The following KCNB2 variants were observed in gnomAD, a reference collection of about 807,000 sequenced individuals.
The protein encoded by KCNB2 is potassium voltage-gated channel subfamily B member 2, also known as delayed rectifier potassium channel protein.
A neutral mutation model predicts 61.5 loss-of-function variants in KCNB2; 15 were observed. The ratio of observed to expected loss-of-function variants is 0.24; its 90% confidence interval spans 0.16 to 0.38. The LOEUF is 0.38. Ranked by LOEUF, KCNB2 falls within the 10% of genes least tolerant of loss-of-function variation. KCNB2 has a pLI of 1.00. For missense variants in KCNB2, 828 were observed against 1,125.2 expected, an observed-to-expected ratio of 0.74 and a Z score of 3.78; for synonymous variants, 457 against 446.0, an observed-to-expected ratio of 1.02 and a Z score of -0.31.
At chr8:72,900,654 A>G (rs940855634) in intron 2 of KCNB2, among the ~76,000 whole-genome samples, 3 of 152,172 alleles carry the variant, frequency 2.0e-5, no homozygotes, top group African/African-American at 7.2e-5. Context: ...TCAATAAGCA[A>G]AAAACAAATA....
At chr8:72,911,087 G>C (rs1352108209) in intron 2 of KCNB2, among the ~76,000 whole-genome samples, 1 of 152,168 alleles carries the variant, frequency 6.6e-6, no homozygotes, top group Non-Finnish European at 1.5e-5. Context: ...TATAGCATCA[G>C]TAGCAATTTT....
chr8:72,857,428 G>A (rs985566986), intron 2 of KCNB2, among the ~76,000 whole-genome samples: 1 of 152,186 alleles, frequency 6.6e-6, no homozygotes, highest in African/African-American at 2.4e-5. Flanking sequence ...TTCTAGGAGT[G>A]AGAAGAAGCT....
chr8:72,748,899 A>G (rs973223293), intron 2 of KCNB2, among the ~76,000 whole-genome samples: 10 of 152,156 alleles, frequency 6.6e-5, no homozygotes, highest in African/African-American at 1.4e-4. Context: ...TTTGAAACAC[A>G]ATACATTGCT....
intron 2 of KCNB2, among the ~76,000 whole-genome samples, chr8:72,746,972 T>G (rs182667742): frequency 1.2e-3 from 178 of 152,316 alleles, no homozygotes; most frequent in African/African-American, 3.8e-3. Flanking sequence ...AAATCTGATG[T>G]CATCTTAATG....
chr8:72,750,934 T>C (rs1252230560), intron 2 of KCNB2: 3 of 152,104 alleles, frequency 2.0e-5, no homozygotes, highest in Non-Finnish European at 1.5e-5. Flanking sequence ...AGATATGATA[T>C]CGCATTTCTG....
intron 2 of KCNB2, among the ~76,000 whole-genome samples, chr8:72,853,356 T>A (rs1327693512): frequency 6.6e-6 from 1 of 152,202 alleles, no homozygotes; most frequent in African/African-American, 2.4e-5. Flanking sequence ...TGGTTCAGCA[T>A]GCTCCAAAGC....
At chr8:72,835,359 G>T (rs540877456) in intron 2 of KCNB2, among the ~76,000 whole-genome samples, 1 of 152,164 alleles carries the variant, frequency 6.6e-6, no homozygotes, top group South Asian at 2.1e-4. Context: ...GAAAGAGAAA[G>T]CAATAGACAA....
chr8:72,785,178 A>G (rs1463814907), intron 2 of KCNB2, among the ~76,000 whole-genome samples: 1 of 152,238 alleles, frequency 6.6e-6, no homozygotes, highest in Admixed American at 6.5e-5. Context: ...CAAATAATCC[A>G]CAAACCCCAT....
chr8:72,640,852 C>A (rs1563546437), intron 2 of KCNB2, among the ~76,000 whole-genome samples: 2 of 151,994 alleles, frequency 1.3e-5, no homozygotes, highest in Non-Finnish European at 2.9e-5. Flanking sequence ...TCAATTAATT[C>A]AATTTTATAG....
intron 2 of KCNB2, among the ~76,000 whole-genome samples, chr8:72,691,823 C>G (rs1197110801): frequency 6.6e-6 from 1 of 152,204 alleles, no homozygotes; most frequent in African/African-American, 2.4e-5. Context: ...CACTAACTTT[C>G]TATTCCAGTG....
chr8:72,595,862 A>G (rs565481632), intron 2 of KCNB2, among the ~76,000 whole-genome samples: 2 of 152,306 alleles, frequency 1.3e-5, no homozygotes, highest in South Asian at 4.1e-4. Flanking sequence ...AGTGGCACAT[A>G]ATCATGCTTG....
At chr8:72,717,161 G>A (rs1380346123) in intron 2 of KCNB2, among the ~76,000 whole-genome samples, 4 of 152,172 alleles carry the variant, frequency 2.6e-5, no homozygotes, top group African/African-American at 9.7e-5. Flanking sequence ...TGAAACAAAA[G>A]AGGCTACAAA....
intron 2 of KCNB2, among the ~76,000 whole-genome samples, chr8:72,650,322 C>T (rs1049227568): frequency 9.9e-5 from 15 of 152,256 alleles, no homozygotes; most frequent in African/African-American, 3.6e-4. Context: ...CCAGATGCCT[C>T]AACCTCACCT....
chr8:72,848,582 T>G (rs1156860185), intron 2 of KCNB2, among the ~76,000 whole-genome samples: 5 of 152,206 alleles, frequency 3.3e-5, no homozygotes, highest in Non-Finnish European at 5.9e-5. Flanking sequence ...TCTTGTCTTG[T>G]ATTAATGACA....
chr8:72,798,893 CA>C (rs922687760), intron 2 of KCNB2, among the ~76,000 whole-genome samples: 1 of 152,070 alleles, frequency 6.6e-6, no homozygotes, highest in Non-Finnish European at 1.5e-5. Context: ...AAGGAAGTGA[CA>C]AAAAAGTGAA....
intron 2 of KCNB2, among the ~76,000 whole-genome samples, chr8:72,890,481 C>A (rs2129005780): frequency 6.6e-6 from 1 of 152,326 alleles, no homozygotes; most frequent in South Asian, 2.1e-4. Context: ...GCTGCAGCTG[C>A]CTTCAGACAG....
chr8:72,766,788 A>G (rs1808466115), intron 2 of KCNB2, among the ~76,000 whole-genome samples: 1 of 152,194 alleles, frequency 6.6e-6, no homozygotes, highest in Non-Finnish European at 1.5e-5. Context: ...GGAGTATATA[A>G]AGGAAACAGA....
chr8:72,688,704 A>G (rs946136080), intron 2 of KCNB2, among the ~76,000 whole-genome samples: 5 of 152,186 alleles, frequency 3.3e-5, no homozygotes, highest in African/African-American at 1.2e-4. Flanking sequence ...TAAAGAAAGG[A>G]GGAAGCTTAA....
At chr8:72,672,294 T>C (rs1806577599) in intron 2 of KCNB2, among the ~76,000 whole-genome samples, 2 of 152,344 alleles carry the variant, frequency 1.3e-5, no homozygotes, top group Non-Finnish European at 1.5e-5. Flanking sequence ...AGAATTTCTC[T>C]ATTTAGAAAC....
Sources: allele counts gnomAD v4.1 joint callset (sites outside exome capture counted in the v4.1 genomes callset), GRCh38; gene constraint gnomAD v4.1.1; transcripts MANE v1.5; gene names NCBI Gene and HGNC (gene_info 2026-07-23, HGNC 2026-07-21).